The following ANO7 variants were observed in gnomAD, a reference collection of about 807,000 sequenced individuals.
The protein encoded by ANO7 is anoctamin-7.
ANO7 carries 114 observed loss-of-function variants against 115.8 expected under a neutral mutation model. The ratio of observed to expected loss-of-function variants is 0.98; its 90% CI spans 0.85 to 1.15. The LOEUF (loss-of-function observed/expected upper bound fraction) is 1.15. ANO7 is among the 50% of genes most tolerant of loss of function. The pLI, the probability that ANO7 is intolerant of heterozygous loss-of-function variation, is 0.00. For missense variants in ANO7, 1,302 were observed against 1,201.2 expected, an observed-to-expected ratio of 1.08 and a Z score of -1.24; for synonymous variants, 550 against 498.2, an observed-to-expected ratio of 1.10 and a Z score of -1.38.
chr2:241,209,202 C>G, intron 11 of ANO7, 83 bp from the exon 12 acceptor site: 1 of 1,426,628 alleles, frequency 7.0e-7, no homozygotes, highest in South Asian at 1.4e-5. Context: ...ATGCACACTC[C>G]CATTCCAGGA....
chr2:241,232,839 A>T, the ANO7 span, among the ~76,000 whole-genome samples: 2 of 148,742 alleles, frequency 1.3e-5, no homozygotes, highest in African/African-American at 2.5e-5. Flanking sequence ...TAAACTCTCA[A>T]GATCAAGACT....
downstream of ANO7, chr2:241,230,833 G>A (rs1292100037): frequency 6.2e-7 from 1 of 1,614,080 alleles, no homozygotes; most frequent in Non-Finnish European, 8.5e-7. The surrounding 1 kb of genome is among the most constrained non-coding windows in gnomAD (Gnocchi z 5.0). Flanking sequence ...CGGTGGTCCA[G>A]CGGGACGTCC....
chr2:241,196,345 G>T (rs559805884), intron 4 of ANO7, among the ~76,000 whole-genome samples: 1 of 152,196 alleles, frequency 6.6e-6, no homozygotes, highest in South Asian at 2.1e-4. Flanking sequence ...GCACAGGCAG[G>T]CGCAGGTGGG....
rs556122883 is a variant in ANO7 at position 241,216,831 on chromosome 2, TTTGTTTTTG to T, written c.1972+596_1972+604del. On this transcript the variant is annotated intron_variant, in intron 19 of 24. Coordinates refer to ENST00000674324, the MANE Select transcript of ANO7 (RefSeq NM_001370694.2). ...AAGGAATCATCAGGCAGTTTGTTTGTTTGTTTTTGTTTTGTTTTTTGAGACGGAGTCTCC... is the reference window on the plus strand; with the variant it reads ...AAGGAATCATCAGGCAGTTTGTTTGTTTTTGTTTTTTGAGACGGAGTCTCC... Among the ~76,000 whole-genome samples the T allele has an allele frequency of 3.2e-3, 486 of 151,234 alleles. 2 individuals are homozygous for T. The highest frequency in any genetic ancestry group is 0.011 in the African/African-American group (460 of 41,216).
At position 241,209,515 on chromosome 2, in the gene ANO7, G is replaced by C; in HGVS notation, c.1239G>C (p.Gln413His). 6.3e-7 allele frequency: 1 copy of C among 1,591,352 alleles called. No homozygotes were observed. Among genetic ancestry groups the C allele is most frequent in the Non-Finnish European group, 8.6e-7 (1 of 1,168,680 alleles). The change falls in exon 13 of 25, where the codon CAG becomes CAC. Residue 413 changes from glutamine (Q) to histidine (H), a missense_variant. By Grantham distance (24) the Gln-to-His change is conservative. Transcript: ENST00000674324. Reference sequence around the variant, plus strand: ...CCTTCCAGGAGAGGCCTCGGCCCCAGTTTGCCGCCTCAGCCCCCATGACAG... The same window carrying C: ...CCTTCCAGGAGAGGCCTCGGCCCCACTTTGCCGCCTCAGCCCCCATGACAG... ...YEDTEERPRP[Q>H]FAASAPMTAP...
rs151315472 is a variant in ANO7, at chr2:241,209,596, G to A, written c.1320G>A (p.Ala440=). Residue 440 remains alanine, a synonymous_variant, in exon 13 of 25, where the codon GCG becomes GCA. Transcript: ENST00000674324. The stretch of plus-strand genomic sequence containing the variant: ...CCTACTTCCCTGAGAGGAGCCGCGC[G>A]CGCCGCATGCTGGCCGGCTCTGTGG... ...DEPYFPERSR[A]RRMLAGSVVI... 3.2e-5 allele frequency: 51 copies of A among 1,596,350 alleles called. No homozygotes were observed. The highest frequency in any genetic ancestry group is 2.4e-4 in the Admixed American group (14 of 58,622).
chr2:241,220,465 G>A (rs891298127), intron 21 of ANO7, among the ~76,000 whole-genome samples: 2 of 152,150 alleles, frequency 1.3e-5, no homozygotes, highest in African/African-American at 4.8e-5. Flanking sequence ...GGGAGGCCGA[G>A]GCAGGTGGAT....
In ANO7 at chr2:241,207,134, C is replaced by A. The variant is rs554697163; in HGVS notation, c.981-440C>A. On this transcript the variant is annotated intron_variant, in intron 10 of 24. Coordinates refer to ENST00000674324, the MANE Select transcript of ANO7 (RefSeq NM_001370694.2). The stretch of plus-strand genomic sequence containing the variant: ...GTCTGACAGGTGGACAGGAGTGCTC[C>A]CAGGCTGACAGGTGGACAGGAGTGC... Among the ~76,000 whole-genome samples, 204 of 95,840 alleles carry A rather than the reference C, an allele frequency of 2.1e-3. No individual in the cohort carries two copies. The South Asian group carries it at 0.021, about 10-fold the overall frequency. The allele number at this position is 95,840 out of a possible 152,430, so 62.9% of individuals were successfully genotyped here. A position where few individuals can be genotyped will look rare whatever the true frequency, so the allele number is the denominator to read the frequency against.
At chr2:241,191,086 C>A in intron 2 of ANO7, 108 bp from the exon 3 acceptor site, 1 of 1,153,554 alleles carries the variant, frequency 8.7e-7, no homozygotes, top group South Asian at 1.4e-5. Context: ...TGGGGCAGGG[C>A]GGGGACGGGT....
chr2:241,209,719 C>T, intron 13 of ANO7, 84 bp downstream of exon 13: 1 of 1,474,748 alleles, frequency 6.8e-7, no homozygotes, highest in Middle Eastern at 2.6e-4. Flanking sequence ...CACCTTGGTG[C>T]CGTGGCCAGA....
intron 11 of ANO7, among the ~76,000 whole-genome samples, chr2:241,208,880 T>C (rs2068647079): frequency 1.3e-5 from 2 of 152,160 alleles, no homozygotes; most frequent in Admixed American, 1.3e-4. Context: ...CTGGGCACGG[T>C]GGCTCACGCC....
intron 21 of ANO7, among the ~76,000 whole-genome samples, chr2:241,220,660 C>T (rs1162716222): frequency 6.6e-6 from 1 of 152,180 alleles, no homozygotes; most frequent in Non-Finnish European, 1.5e-5. Context: ...ATTAGCTGGG[C>T]GTGGTGCTGG....
At chr2:241,236,865 C>G in the ANO7 span, 2 of 1,328,506 alleles carry the variant, frequency 1.5e-6, no homozygotes, top group Non-Finnish European at 2.1e-6. Flanking sequence ...CTGCTGGGTG[C>G]TGGGTGGTAA....
downstream of ANO7, chr2:241,229,776 G>T: frequency 1.3e-6 from 2 of 1,563,964 alleles, no homozygotes; most frequent in Non-Finnish European, 1.7e-6. Context: ...AGGACACCAA[G>T]CCCGCCTGCC....
chr2:241,191,068 G>A, intron 2 of ANO7, 126 bp from the exon 3 acceptor site: 2 of 1,047,058 alleles, frequency 1.9e-6, no homozygotes, highest in East Asian at 2.4e-5. Context: ...CTGTGGTCCT[G>A]AGTGTTCTGG....
chr2:241,222,110 T>G (rs933962231), intron 21 of ANO7, among the ~76,000 whole-genome samples: 1 of 151,982 alleles, frequency 6.6e-6, no homozygotes, highest in Non-Finnish European at 1.5e-5. Flanking sequence ...GGCACGGGCC[T>G]GTAGTCCCAG....
At chr2:241,199,236 A>G (rs755884471) in intron 4 of ANO7, 80 bp from the exon 5 acceptor site, 101 of 1,237,608 alleles carry the variant, frequency 8.2e-5, no homozygotes, top group Non-Finnish European at 1.1e-4. Flanking sequence ...GTCTTTTCCT[A>G]AGAGTGCGAA....
At chr2:241,208,313 T>C (rs973807421) in intron 11 of ANO7, among the ~76,000 whole-genome samples, 2 of 152,240 alleles carry the variant, frequency 1.3e-5, no homozygotes, top group African/African-American at 2.4e-5. Context: ...AATCAAGCTG[T>C]TGGCAGGCTT....
chr2:241,199,513 GCTCCCTGCTCAGAGGC>G, intron 5 of ANO7, 90 bp downstream of exon 5: 1 of 1,333,236 alleles, frequency 7.5e-7, no homozygotes, highest in Non-Finnish European at 1.1e-6. Context: ...CCTCAGGAGG[GCTCCCTGCTCAGAGGC>G]CTCAGGGGCT....
Sources: allele counts gnomAD v4.1 joint callset (sites outside exome capture counted in the v4.1 genomes callset), GRCh38; gene constraint gnomAD v4.1.1; non-coding constraint Gnocchi (gnomAD v3.1); transcripts MANE v1.5; gene names NCBI Gene and HGNC (gene_info 2026-07-23, HGNC 2026-07-21).